DPH6: variants seen among roughly 807,000 people sequenced by gnomAD.
DPH6 encodes the protein diphthine--ammonia ligase.
Under a neutral mutation model 38.2 loss-of-function variants are expected in DPH6, and 33 were observed. The ratio of observed to expected loss-of-function variants is 0.86; its 90% CI spans 0.65 to 1.15. The LOEUF is 1.15. Ranked by LOEUF, DPH6 falls within the 50% of genes most tolerant of loss-of-function variation. DPH6 has a pLI of 0.00. For missense variants in DPH6, 325 were observed against 320.0 expected, an observed-to-expected ratio of 1.02 and a Z score of -0.12; for synonymous variants, 108 against 103.0, an observed-to-expected ratio of 1.05 and a Z score of -0.30.
chr15:35,353,122 G>T (rs1425773705), intron 3 of DPH6, among the ~76,000 whole-genome samples: 1 of 152,030 alleles, frequency 6.6e-6, no homozygotes, highest in African/African-American at 2.4e-5. Context: ...TTTTTGATGG[G>T]GTTGTTTGTT....
the DPH6 span, among the ~76,000 whole-genome samples, chr15:35,163,952 T>C: frequency 1.3e-4 from 20 of 151,976 alleles, no homozygotes; most frequent in Non-Finnish European, 2.7e-4. Context: ...AACGCTCAAA[T>C]GCCAGCTACA....
intron 3 of DPH6, among the ~76,000 whole-genome samples, chr15:35,332,111 G>A (rs1029934929): frequency 2.0e-5 from 3 of 152,088 alleles, no homozygotes; most frequent in African/African-American, 7.2e-5. Flanking sequence ...CTTCTAGGAT[G>A]GAAATTGATA....
intron 3 of DPH6, among the ~76,000 whole-genome samples, chr15:35,263,313 A>G (rs191931698): frequency 1.3e-5 from 2 of 152,174 alleles, no homozygotes; most frequent in East Asian, 1.9e-4. Context: ...AGATTCTTCC[A>G]TAGTTCCTCT....
chr15:35,277,671 G>A (rs992629299), intron 3 of DPH6, among the ~76,000 whole-genome samples: 25 of 152,128 alleles, frequency 1.6e-4, no homozygotes, highest in African/African-American at 5.1e-4. Context: ...ATAGAGACAT[G>A]GACAGTGAAG....
chr15:35,416,338 G>T (rs1346444169), intron 5 of DPH6, among the ~76,000 whole-genome samples: 1 of 152,008 alleles, frequency 6.6e-6, no homozygotes. Context: ...CTAGCAGAAT[G>T]TAAGAAATAA....
chr15:35,241,988 C>G (rs1245826410), intron 3 of DPH6, among the ~76,000 whole-genome samples: 1 of 143,980 alleles, frequency 6.9e-6, no homozygotes, highest in Non-Finnish European at 1.5e-5. Context: ...TCCTCAATAC[C>G]TCCCTCCACA....
chr15:35,410,976 C>A, intron 5 of DPH6, 80 bp from the exon 6 acceptor site: 1 of 1,238,230 alleles, frequency 8.1e-7, no homozygotes, highest in Non-Finnish European at 1.1e-6. Flanking sequence ...CTTGGCCCCT[C>A]CTCACCTAGA....
chr15:35,400,378 A>G (rs2053200812), intron 6 of DPH6, among the ~76,000 whole-genome samples: 1 of 152,188 alleles, frequency 6.6e-6, no homozygotes, highest in African/African-American at 2.4e-5. Flanking sequence ...AAGGAGGGAA[A>G]GAGAACATAT....
intron 3 of DPH6, among the ~76,000 whole-genome samples, chr15:35,532,230 G>C (rs527806957): frequency 6.6e-6 from 1 of 152,316 alleles, no homozygotes; most frequent in Middle Eastern, 3.4e-3. Context: ...AGAGCCTTCT[G>C]TGTTAGCCTA....
intron 3 of DPH6, among the ~76,000 whole-genome samples, chr15:35,274,016 C>T (rs1017860044): frequency 2.6e-5 from 4 of 152,146 alleles, no homozygotes; most frequent in African/African-American, 9.7e-5. Context: ...TATAAGGCTT[C>T]AGTAACCAAA....
chr15:35,544,009 C>T (rs1434078491), intron 1 of DPH6, among the ~76,000 whole-genome samples: 1 of 152,132 alleles, frequency 6.6e-6, no homozygotes. Flanking sequence ...TGGTGTCCAA[C>T]AAAATACTAA....
chr15:35,464,326 T>C (rs1456487288), intron 3 of DPH6, among the ~76,000 whole-genome samples: 1 of 151,300 alleles, frequency 6.6e-6, no homozygotes, highest in Middle Eastern at 3.2e-3. Flanking sequence ...ATATGTGACA[T>C]AAGTCTATAT....
chr15:35,541,395 G>T (rs1365538092), intron 2 of DPH6, among the ~76,000 whole-genome samples: 6 of 152,050 alleles, frequency 3.9e-5, no homozygotes, highest in African/African-American at 1.4e-4. Flanking sequence ...AAGTGATGAG[G>T]AGCAATAAAA....
chr15:35,222,627 T>G (rs989731816), intron 3 of DPH6, among the ~76,000 whole-genome samples: 5 of 152,160 alleles, frequency 3.3e-5, no homozygotes, highest in Admixed American at 2.0e-4. Context: ...AATTCACATA[T>G]GAACTGGGGT....
chr15:35,288,512 C>A (rs1014822799), intron 3 of DPH6, among the ~76,000 whole-genome samples: 8 of 152,156 alleles, frequency 5.3e-5, no homozygotes, highest in African/African-American at 1.9e-4. Context: ...AATGACCCTA[C>A]TTTCTCTACC....
chr15:35,145,799 G>A, the DPH6 span, among the ~76,000 whole-genome samples: 2 of 152,130 alleles, frequency 1.3e-5, no homozygotes, highest in Admixed American at 6.6e-5. Flanking sequence ...GATGGCTGGA[G>A]ATATTTCTAT....
chr15:35,168,395 G>T, the DPH6 span, among the ~76,000 whole-genome samples: 1 of 151,952 alleles, frequency 6.6e-6, no homozygotes, highest in East Asian at 1.9e-4. Context: ...AGTATATTGT[G>T]TCCAGGAATA....
intron 3 of DPH6, among the ~76,000 whole-genome samples, chr15:35,340,441 G>T (rs892151402): frequency 6.6e-5 from 10 of 152,106 alleles, no homozygotes; most frequent in Non-Finnish European, 1.0e-4. Flanking sequence ...TGGTTATTTT[G>T]CAGGCTTGTT....
chr15:35,530,196 G>T (rs2055065872), intron 3 of DPH6, among the ~76,000 whole-genome samples: 2 of 152,086 alleles, frequency 1.3e-5, no homozygotes, highest in Non-Finnish European at 1.5e-5. Flanking sequence ...GCCTAGAAAT[G>T]AAGTAGAAGA....
Sources: gnomAD v4.1 joint callset for allele counts (sites outside exome capture counted in the v4.1 genomes callset) on GRCh38, gnomAD v4.1.1 for gene constraint, MANE v1.5 for transcripts, NCBI Gene and HGNC (gene_info 2026-07-23, HGNC 2026-07-21) for gene names.